CCDC152: variants seen among roughly 807,000 people sequenced by gnomAD.
The protein encoded by CCDC152 is coiled-coil domain containing 152, also known as coiled-coil domain-containing protein 152.
Under a neutral mutation model 38.1 loss-of-function variants are expected in CCDC152, and 37 were observed. That is an observed-to-expected ratio of 0.97 (90% confidence interval 0.75 to 1.28). The LOEUF (loss-of-function observed/expected upper bound fraction) is 1.28, where lower values mean the gene tolerates loss of function less well. Ranked by LOEUF, CCDC152 falls within the 50% of genes most tolerant of loss-of-function variation. The pLI is 0.00. For missense variants in CCDC152, 259 were observed against 292.1 expected, an observed-to-expected ratio of 0.89 and a Z score of 0.83; for synonymous variants, 83 against 87.1, an observed-to-expected ratio of 0.95 and a Z score of 0.26.
At chr5:42,785,485 A>G (rs1162778868) in intron 6 of CCDC152, among the ~76,000 whole-genome samples, 1 of 152,100 alleles carries the variant, frequency 6.6e-6, no homozygotes, top group Non-Finnish European at 1.5e-5. Context: ...TGTCAGGTCT[A>G]GGGGGAATCT....
Position 42,769,635 on chromosome 5 carries a change from C to G in CCDC152, c.232C>G (p.Gln78Glu). 6.7e-7 allele frequency: 1 copy of G among 1,484,586 alleles called. No homozygotes were observed. The highest frequency in any genetic ancestry group is 1.4e-5 in the South Asian group (1 of 72,870). 92.0% of individuals were successfully genotyped at this position (1,484,586 alleles called of 1,614,324 possible). Residue 78 changes from glutamine to glutamate, a missense_variant, in exon 4 of 9, where the codon CAG becomes GAG. Transcript: ENST00000361970. ...TCATAATATAATAAAAGGGCTACAA[C>G]AGACCATTGAATATCAACAGAATTT... Reference protein sequence around the residue: ...TLHNIIKGLQQTIEYQQNLKG... With the variant: ...TLHNIIKGLQETIEYQQNLKG...
intron 6 of CCDC152, among the ~76,000 whole-genome samples, chr5:42,794,157 GT>G (rs760932640): frequency 5.3e-4 from 81 of 152,256 alleles, no homozygotes; most frequent in Non-Finnish European, 9.3e-4. Flanking sequence ...TGGTAGTAAA[GT>G]CTATGAAAGG....
chr5:42,765,727 A>G (rs933455769), intron 3 of CCDC152, among the ~76,000 whole-genome samples: 3 of 152,192 alleles, frequency 2.0e-5, no homozygotes, highest in Non-Finnish European at 4.4e-5. Flanking sequence ...GAATGAAACT[A>G]GATTCCTGTC....
intron 2 of CCDC152, among the ~76,000 whole-genome samples, chr5:42,760,777 C>T (rs571620628): frequency 6.6e-6 from 1 of 151,792 alleles, no homozygotes; most frequent in Non-Finnish European, 1.5e-5. Context: ...TTTTTTTAAA[C>T]GGTAAAGTTA....
intron 2 of CCDC152, among the ~76,000 whole-genome samples, chr5:42,761,358 T>TA (rs1176690865): frequency 1.3e-5 from 2 of 152,212 alleles, no homozygotes; most frequent in East Asian, 3.8e-4. Flanking sequence ...CTCACGCCTG[T>TA]AATCCCAACA....
At chr5:42,765,761 T>C (rs1372425527) in intron 3 of CCDC152, among the ~76,000 whole-genome samples, 1 of 152,010 alleles carries the variant, frequency 6.6e-6, no homozygotes, top group East Asian at 1.9e-4. Flanking sequence ...AAAAATAAAA[T>C]CAAAATGGAT....
chr5:42,797,786 T>C (rs1392388737), intron 7 of CCDC152, among the ~76,000 whole-genome samples: 3 of 152,136 alleles, frequency 2.0e-5, no homozygotes, highest in South Asian at 2.1e-4. Context: ...ACCAAATTCC[T>C]ACAATTTTTT....
chr5:42,768,801 G>A (rs948475981), intron 3 of CCDC152, among the ~76,000 whole-genome samples: 9 of 152,158 alleles, frequency 5.9e-5, no homozygotes, highest in African/African-American at 2.2e-4. Context: ...AGATTTGCAT[G>A]GACATACTTC....
intron 4 of CCDC152, among the ~76,000 whole-genome samples, chr5:42,773,093 T>TA (rs1466670928): frequency 6.6e-6 from 1 of 152,160 alleles, no homozygotes; most frequent in Non-Finnish European, 1.5e-5. Flanking sequence ...GTTTCTAGTC[T>TA]AAAAATCATG....
chr5:42,776,615 A>C (rs1759770976), intron 4 of CCDC152, among the ~76,000 whole-genome samples: 1 of 152,284 alleles, frequency 6.6e-6, no homozygotes, highest in African/African-American at 2.4e-5. Flanking sequence ...CAGAATACAC[A>C]TTCTCCTCAA....
chr5:42,759,363 A>G (rs1759520040), intron 2 of CCDC152, among the ~76,000 whole-genome samples, 155 bp downstream of exon 2: 1 of 152,218 alleles, frequency 6.6e-6, no homozygotes, highest in South Asian at 2.1e-4. Context: ...TTAAAACTCC[A>G]TGTTTAAAAT....
chr5:42,779,848 ACT>A (rs1456288374), intron 5 of CCDC152, among the ~76,000 whole-genome samples: 2 of 152,058 alleles, frequency 1.3e-5, no homozygotes, highest in Non-Finnish European at 2.9e-5. Context: ...ACTCTAGTAA[ACT>A]CTATTTGTTA....
chr5:42,801,441 C>T lies in CCDC152; in HGVS notation c.*1660C>T, dbSNP rs985588212. 10 of 796,180 alleles carry T rather than the reference C, an allele frequency of 1.3e-5. No homozygotes were observed. The highest frequency in any genetic ancestry group is 3.6e-4 in the Middle Eastern group (1 of 2,808). 49.3% of individuals were successfully genotyped at this position (796,180 alleles called of 1,614,324 possible). On this transcript the variant is annotated 3_prime_UTR_variant, in exon 9 of 9. Coordinates refer to ENST00000361970, the MANE Select transcript of CCDC152 (RefSeq NM_001134848.2). Reference sequence around the variant, plus strand: ...GAAATTCCAACTAGTTAATTAGAATCGAGCTGGCTTTGTATTATATTAATG... The same window carrying T: ...GAAATTCCAACTAGTTAATTAGAATTGAGCTGGCTTTGTATTATATTAATG...
intron 4 of CCDC152, among the ~76,000 whole-genome samples, chr5:42,770,293 A>G (rs1218112915): frequency 2.0e-5 from 3 of 152,224 alleles, no homozygotes; most frequent in Non-Finnish European, 2.9e-5. Flanking sequence ...TTCTCATCTT[A>G]GACCTCTGCC....
chr5:42,776,335 C>A (rs1759768389), intron 4 of CCDC152, among the ~76,000 whole-genome samples: 1 of 152,000 alleles, frequency 6.6e-6, no homozygotes, highest in Admixed American at 6.6e-5. Flanking sequence ...GAAAAATTAT[C>A]CAGGATAAAA....
chr5:42,777,469 A>C (rs1030428029), intron 4 of CCDC152, among the ~76,000 whole-genome samples: 1 of 150,642 alleles, frequency 6.6e-6, no homozygotes, highest in Admixed American at 6.6e-5. Context: ...TCTCAATATA[A>C]AAAAAAAAAA....
chr5:42,781,586 C>T lies in CCDC152; in HGVS notation c.328-1888C>T, dbSNP rs1487326615. 1.3e-5 allele frequency among the ~76,000 whole-genome samples: 2 copies of T among 151,844 alleles called. 1 individual carries two copies. The highest frequency in any genetic ancestry group is 4.8e-5 in the African/African-American group (2 of 41,358). ...ACACACACACACACACACACATACACACACACAAATAAATACATGTATAAT... is the reference window on the plus strand; with the variant it reads ...ACACACACACACACACACACATACATACACACAAATAAATACATGTATAAT... On this transcript the variant is annotated intron_variant, in intron 5 of 8. Coordinates refer to ENST00000361970, the MANE Select transcript of CCDC152 (RefSeq NM_001134848.2).
chr5:42,799,832 T>C lies in CCDC152; in HGVS notation c.*51T>C. ...TATTTATTTAAAAGCAATCGAAAGT[T>C]TCACTTCTGTTTTCAATATATGCAT... is the stretch of plus-strand genomic sequence containing the variant. On this transcript the variant is annotated 3_prime_UTR_variant, in exon 9 of 9. Transcript: ENST00000361970. 6.5e-7 allele frequency: 1 copy of C among 1,537,136 alleles called. No homozygotes were observed. Among genetic ancestry groups the C allele is most frequent in the Admixed American group, 2.1e-5 (1 of 48,118 alleles).
chr5:42,768,225 T>C (rs1213107277), intron 3 of CCDC152, among the ~76,000 whole-genome samples: 1 of 152,194 alleles, frequency 6.6e-6, no homozygotes, highest in African/African-American at 2.4e-5. Flanking sequence ...CGACAAAACA[T>C]ATGTTATTTT....
Sources: allele counts gnomAD v4.1 joint callset (sites outside exome capture counted in the v4.1 genomes callset), GRCh38; gene constraint gnomAD v4.1.1; transcripts MANE v1.5; gene names NCBI Gene and HGNC (gene_info 2026-07-23, HGNC 2026-07-21).